Variants in TLN2 observed in about 807,000 individuals in gnomAD.
The protein encoded by TLN2 is talin-2.
TLN2 carries 118 observed loss-of-function variants against 294.7 expected under a neutral mutation model. That is an observed-to-expected ratio of 0.40 (90% CI 0.34 to 0.47). The LOEUF (loss-of-function observed/expected upper bound fraction) is 0.47. TLN2 is among the 20% of genes least tolerant of loss of function. TLN2 has a pLI of 0.84. For missense variants in TLN2, 3,083 were observed against 3,282.2 expected (o/e 0.94, Z 1.48); for synonymous variants, 1,431 against 1,304.5 (o/e 1.10, Z -2.09).
rs377378161 is a variant in TLN2, at chr15:62,458,445, A to C, written c.-238+67760A>C. ...GAGATGGCACATTGATTACTTGTTAATAAAGAGATGTTGCTGGTTGGTCAT... is the reference window on the plus strand; with the variant it reads ...GAGATGGCACATTGATTACTTGTTACTAAAGAGATGTTGCTGGTTGGTCAT... On this transcript the variant is annotated intron_variant, in intron 1 of 58. Transcript: ENST00000636159. 4.5e-4 allele frequency among the ~76,000 whole-genome samples: 68 copies of C among 152,208 alleles called. 1 individual carries two copies. The highest frequency in any genetic ancestry group is 1.5e-3 in the African/African-American group (64 of 41,534).
chr15:62,746,186 CAGAG>C (rs932428862), intron 32 of TLN2, among the ~76,000 whole-genome samples: 12 of 152,066 alleles, frequency 7.9e-5, no homozygotes, highest in Admixed American at 4.6e-4. Flanking sequence ...ACAGGAAACA[CAGAG>C]AGAATTAAGC....
intron 1 of TLN2, among the ~76,000 whole-genome samples, chr15:62,510,988 G>GAAAGCA (rs1567044325): frequency 3.9e-5 from 6 of 152,316 alleles, no homozygotes; most frequent in African/African-American, 1.4e-4. Context: ...TGACAAGAAC[G>GAAAGCA]TCTTACAATA....
chr15:62,735,269 C>T (rs2060948688), intron 28 of TLN2, among the ~76,000 whole-genome samples: 1 of 152,196 alleles, frequency 6.6e-6, no homozygotes, highest in African/African-American at 2.4e-5. Context: ...CCTGGCATCT[C>T]CAGTCTTCAT....
Position 62,738,209 on chromosome 15 carries a change from T to C in TLN2, c.3568-5T>C. 6.2e-7 allele frequency: 1 copy of C among 1,613,304 alleles called. No individual in the cohort carries two copies. Among genetic ancestry groups the C allele is most frequent in the African/African-American group, 1.3e-5 (1 of 75,032 alleles). Reference sequence around the variant, plus strand: ...AAAGGTGCTTCTCTCTCTCCACGAATTCAGGTGGCTAAAGCCGTCTCACAC... The same window carrying C: ...AAAGGTGCTTCTCTCTCTCCACGAACTCAGGTGGCTAAAGCCGTCTCACAC... On this transcript the variant is annotated splice_region_variant and splice_polypyrimidine_tract_variant and intron_variant, in intron 29 of 58. Transcript: ENST00000636159.
intron 1 of TLN2, among the ~76,000 whole-genome samples, chr15:62,443,167 A>T (rs2035640291): frequency 6.6e-6 from 1 of 152,204 alleles, no homozygotes; most frequent in South Asian, 2.1e-4. Flanking sequence ...ACAGGTTCTG[A>T]GGATTGGGGT....
At chr15:62,587,789 G>A (rs902769266) in intron 1 of TLN2, among the ~76,000 whole-genome samples, 4 of 152,088 alleles carry the variant, frequency 2.6e-5, no homozygotes, top group Admixed American at 6.5e-5. Context: ...TTTATATTCC[G>A]TTCATGAAAG....
At chr15:62,613,886 T>A (rs1273902263) in intron 2 of TLN2, among the ~76,000 whole-genome samples, 1 of 150,872 alleles carries the variant, frequency 6.6e-6, no homozygotes, top group Non-Finnish European at 1.5e-5. Flanking sequence ...ACTATAGAGT[T>A]CCTTTTAAAT....
intron 6 of TLN2, 68 bp downstream of exon 6, chr15:62,652,202 C>T: frequency 1.4e-6 from 2 of 1,422,986 alleles, no homozygotes; most frequent in Admixed American, 4.7e-5. Flanking sequence ...TTCTTTTTTC[C>T]ACCTGCATTT....
At chr15:62,588,069 A>G (rs1316998868) in intron 1 of TLN2, among the ~76,000 whole-genome samples, 2 of 151,964 alleles carry the variant, frequency 1.3e-5, no homozygotes, top group African/African-American at 4.8e-5. Flanking sequence ...TTTAGTAGAG[A>G]CAGGGTTTCA....
At chr15:62,825,805 ATATT>A (rs1465216424) in intron 54 of TLN2, among the ~76,000 whole-genome samples, 65,453 of 78,196 alleles carry the variant, frequency 0.84, 27,686 homozygotes, top group Middle Eastern at 0.91. Context: ...TATATATTAT[ATATT>A]ATATTATAAT....
At chr15:62,608,181 G>C (rs564647718) in intron 2 of TLN2, among the ~76,000 whole-genome samples, 2 of 152,272 alleles carry the variant, frequency 1.3e-5, no homozygotes, top group South Asian at 4.1e-4. Context: ...CAAAGTGCCA[G>C]GCAGTCTGCT....
intron 1 of TLN2, among the ~76,000 whole-genome samples, chr15:62,509,275 GTTTGT>G (rs1357334356): frequency 8.6e-6 from 1 of 115,776 alleles, no homozygotes; most frequent in East Asian, 2.8e-4. Context: ...AATGTCTTGT[GTTTGT>G]TTTGTTTTTT....
At chr15:62,791,694 C>A (rs1375483546) in intron 45 of TLN2, among the ~76,000 whole-genome samples, 1 of 152,210 alleles carries the variant, frequency 6.6e-6, no homozygotes, top group Non-Finnish European at 1.5e-5. Context: ...GCCATAGCTT[C>A]TAGCTCTTGT....
chr15:62,701,282 T>A (rs1341012158), intron 17 of TLN2, 68 bp downstream of exon 17: 6 of 1,286,670 alleles, frequency 4.7e-6, no homozygotes, highest in South Asian at 2.8e-5. Context: ...TTTTTAATTT[T>A]AAAAAATAAG....
chr15:62,638,507 C>A (rs957948503), intron 3 of TLN2: 1 of 455,918 alleles, frequency 2.2e-6, no homozygotes. Flanking sequence ...TCTAATGAAC[C>A]GTGTGCATAC....
chr15:62,473,120 G>A (rs2037577716), intron 1 of TLN2, among the ~76,000 whole-genome samples: 1 of 152,192 alleles, frequency 6.6e-6, no homozygotes, highest in African/African-American at 2.4e-5. Context: ...AGAGGTCAGC[G>A]TGGCATTAGC....
In TLN2 at chr15:62,835,813, TC is replaced by T; in HGVS notation, c.7191+16del. ...CTGATTTCTGCTGTGAGTTGCCTTC[TC>T]CTTCCTCCCAGTTTGCTTTTGGGGT... is the stretch of plus-strand genomic sequence containing the variant. On this transcript the variant is annotated intron_variant, in intron 56 of 58. Transcript: ENST00000636159. 6.2e-7 allele frequency: 1 copy of T among 1,614,228 alleles called. No homozygotes were observed. Among genetic ancestry groups the T allele is most frequent in the Non-Finnish European group, 8.5e-7 (1 of 1,180,028 alleles).
chr15:62,657,757 C>T lies in TLN2; in HGVS notation c.661-14C>T. 21 of 1,609,322 alleles carry T rather than the reference C, an allele frequency of 1.3e-5. No individual in the cohort carries two copies. The highest frequency in any genetic ancestry group is 1.8e-5 in the Non-Finnish European group (21 of 1,178,602). On this transcript the variant is annotated splice_polypyrimidine_tract_variant and intron_variant, in intron 8 of 58. Coordinates refer to ENST00000636159, the MANE Select transcript of TLN2 (RefSeq NM_015059.3). ...CCGAAGCCTCTGATGCTTTTCCTTC[C>T]TCTTGTGTTTCAGGCACGGGATGAC... is the stretch of plus-strand genomic sequence containing the variant.
chr15:62,764,768 A>G (rs969359821), intron 40 of TLN2, among the ~76,000 whole-genome samples: 4 of 152,032 alleles, frequency 2.6e-5, no homozygotes, highest in African/African-American at 9.7e-5. Flanking sequence ...GGAGTTCCAG[A>G]CCAGCCTGGC....
Sources: allele counts gnomAD v4.1 joint callset (sites outside exome capture counted in the v4.1 genomes callset), GRCh38; gene constraint gnomAD v4.1.1; transcripts MANE v1.5; gene names NCBI Gene and HGNC (gene_info 2026-07-23, HGNC 2026-07-21).